The following CELF2 variants were observed in gnomAD, a reference collection of about 807,000 sequenced individuals.
The protein encoded by CELF2 is CUGBP Elav-like family member 2, also known as CUG triplet repeat RNA-binding protein 2.
In CELF2, 8 loss-of-function variants were observed where a neutral mutation model predicts 62.6. The ratio of observed to expected loss-of-function variants is 0.13; its 90% confidence interval spans 0.07 to 0.23. The LOEUF (loss-of-function observed/expected upper bound fraction) is 0.23, where lower values mean the gene tolerates loss of function less well. Ranked by LOEUF, CELF2 falls within the 10% of genes least tolerant of loss-of-function variation. CELF2 has a pLI of 1.00. For synonymous variants in CELF2, 258 were observed against 250.0 expected, an observed-to-expected ratio of 1.03 and a Z score of -0.30; for missense variants, 333 against 671.0, an observed-to-expected ratio of 0.50 and a Z score of 5.56.
intron 1 of CELF2, among the ~76,000 whole-genome samples, chr10:10,801,368 C>T (rs2054646136): frequency 6.6e-6 from 1 of 152,198 alleles, no homozygotes; most frequent in African/African-American, 2.4e-5. Context: ...TTGTTTACAA[C>T]AAGGCATCCT....
chr10:10,859,039 G>A (rs1460153533), intron 1 of CELF2, among the ~76,000 whole-genome samples: 1 of 152,160 alleles, frequency 6.6e-6, no homozygotes, highest in Non-Finnish European at 1.5e-5. Flanking sequence ...AGGACTTTCA[G>A]AGGACAAATT....
intron 1 of CELF2, among the ~76,000 whole-genome samples, chr10:11,038,347 A>C (rs2061303683): frequency 6.6e-6 from 1 of 152,236 alleles, no homozygotes; most frequent in Non-Finnish European, 1.5e-5. Flanking sequence ...CTAAGAATGC[A>C]TCTAAAGTGG....
the CELF2 span, among the ~76,000 whole-genome samples, chr10:10,575,595 T>C: frequency 9.2e-5 from 14 of 152,206 alleles, no homozygotes; most frequent in African/African-American, 3.1e-4. Flanking sequence ...ATGTGGTTTC[T>C]CTGTCTGACC....
intron 1 of CELF2, among the ~76,000 whole-genome samples, chr10:10,898,053 G>A (rs2062685774): frequency 6.6e-6 from 1 of 152,164 alleles, no homozygotes. Flanking sequence ...AAGACTAATG[G>A]AACCTTCTCT....
chr10:10,812,111 C>T (rs1009099377), intron 1 of CELF2, among the ~76,000 whole-genome samples: 1 of 152,172 alleles, frequency 6.6e-6, no homozygotes, highest in African/African-American at 2.4e-5. Flanking sequence ...CTGACCAAGA[C>T]ATACCCGAGA....
chr10:11,118,071 A>C (rs1036173682), intron 1 of CELF2, among the ~76,000 whole-genome samples: 1 of 133,706 alleles, frequency 7.5e-6, no homozygotes, highest in African/African-American at 3.0e-5. Context: ...ATTAAAAGCT[A>C]TTTTTTTTTT....
At chr10:10,815,535 G>A (rs888825795) in intron 1 of CELF2, among the ~76,000 whole-genome samples, 1 of 152,178 alleles carries the variant, frequency 6.6e-6, no homozygotes, top group Non-Finnish European at 1.5e-5. Context: ...AAGACAGGCA[G>A]CAAATGTGGT....
the CELF2 span, among the ~76,000 whole-genome samples, chr10:10,487,230 T>C: frequency 6.6e-6 from 1 of 152,336 alleles, no homozygotes; most frequent in East Asian, 1.9e-4. Context: ...TTATTAGATA[T>C]TAGTTGCCAA....
the CELF2 span, among the ~76,000 whole-genome samples, chr10:10,787,846 C>T: frequency 2.0e-5 from 3 of 151,974 alleles, no homozygotes; most frequent in African/African-American, 7.3e-5. Context: ...GCATGTGTCC[C>T]AGAGATGGCA....
intron 1 of CELF2, among the ~76,000 whole-genome samples, chr10:11,112,939 AG>A: frequency 6.6e-6 from 1 of 152,214 alleles, no homozygotes; most frequent in Non-Finnish European, 1.5e-5. Flanking sequence ...CTGAGTCATG[AG>A]TAAACACAGT....
chr10:11,034,945 G>A (rs147031641), intron 1 of CELF2, among the ~76,000 whole-genome samples: 3 of 152,088 alleles, frequency 2.0e-5, no homozygotes, highest in Non-Finnish European at 4.4e-5. Flanking sequence ...TGTGCCCTTG[G>A]TACTCAAGTG....
chr10:10,806,203 C>CTTTTTTTTTTTTTTTTTTTT (rs112165245), intron 1 of CELF2, among the ~76,000 whole-genome samples: 1 of 141,442 alleles, frequency 7.1e-6, no homozygotes. Context: ...TTCCAGTGTT[C>CTTTTTTTTTTTTTTTTTTTT]TTTTTTTTTT....
At chr10:11,204,746 A>C (rs970254869) in intron 2 of CELF2, among the ~76,000 whole-genome samples, 3 of 152,240 alleles carry the variant, frequency 2.0e-5, no homozygotes, top group Non-Finnish European at 4.4e-5. Context: ...CCTGACACAC[A>C]TGGTGGTCTG....
chr10:10,629,200 A>G, the CELF2 span, among the ~76,000 whole-genome samples: 1 of 152,182 alleles, frequency 6.6e-6, no homozygotes, highest in Non-Finnish European at 1.5e-5. Flanking sequence ...AACATCAGGT[A>G]AAACTTCATC....
chr10:11,230,533 C>T (rs972959067), intron 3 of CELF2, among the ~76,000 whole-genome samples: 16 of 152,180 alleles, frequency 1.1e-4, no homozygotes, highest in Non-Finnish European at 1.9e-4. Context: ...AGGCTGCCAC[C>T]CTCCCTGTTT....
chr10:10,801,918 T>C (rs1028801140), intron 1 of CELF2, among the ~76,000 whole-genome samples: 1 of 152,220 alleles, frequency 6.6e-6, no homozygotes, highest in Non-Finnish European at 1.5e-5. Flanking sequence ...CGCTCCATCC[T>C]TGTTCCATTT....
chr10:10,846,401 G>A (rs1231830014), intron 1 of CELF2, among the ~76,000 whole-genome samples: 4 of 152,084 alleles, frequency 2.6e-5, no homozygotes, highest in Non-Finnish European at 5.9e-5. Context: ...TGGACACTGA[G>A]AGCCCGAGGA....
In CELF2 at chr10:11,307,228, C is replaced by T. The variant is rs193281368; in HGVS notation, c.977-6911C>T. Among the ~76,000 whole-genome samples the T allele has an allele frequency of 5.5e-4, 84 of 152,350 alleles. 1 individual carries two copies. Among genetic ancestry groups the T allele is most frequent in the East Asian group, 5.2e-3 (27 of 5,184 alleles). ...AGCACTCTCTAGAAGCGCGCTCTGACGGGCACTACTCTGGAGGCACCTGGA... is the reference window on the plus strand; with the variant it reads ...AGCACTCTCTAGAAGCGCGCTCTGATGGGCACTACTCTGGAGGCACCTGGA... On this transcript the variant is annotated intron_variant, in intron 9 of 12. Transcript: ENST00000633077.
the CELF2 span, among the ~76,000 whole-genome samples, chr10:10,656,281 A>C: frequency 1.3e-5 from 2 of 151,070 alleles, no homozygotes; most frequent in African/African-American, 2.4e-5. Flanking sequence ...TGGGACTGTA[A>C]ACTAGTTCAA....
Sources: allele counts gnomAD v4.1 joint callset (sites outside exome capture counted in the v4.1 genomes callset), GRCh38; gene constraint gnomAD v4.1.1; transcripts MANE v1.5; gene names NCBI Gene and HGNC (gene_info 2026-07-23, HGNC 2026-07-21).